ZMYND11: variants seen among roughly 807,000 people sequenced by gnomAD.
The protein encoded by ZMYND11 is zinc finger MYND domain-containing protein 11.
A neutral mutation model predicts 84.9 loss-of-function variants in ZMYND11; 9 were observed. The observed-to-expected ratio is 0.11, with a 90% confidence interval of 0.06 to 0.18. ZMYND11 has a LOEUF of 0.18. ZMYND11 is among the 10% of genes least tolerant of loss of function. ZMYND11 has a pLI of 1.00. For missense variants in ZMYND11, 409 were observed against 761.0 expected, an observed-to-expected ratio of 0.54 and a Z score of 5.44; for synonymous variants, 250 against 244.1, an observed-to-expected ratio of 1.02 and a Z score of -0.23.
At chr10:222,424 C>T (rs761458386) in intron 4 of ZMYND11, among the ~76,000 whole-genome samples, 18 of 152,080 alleles carry the variant, frequency 1.2e-4, no homozygotes, top group Non-Finnish European at 1.5e-4. Context: ...GATGACTTGC[C>T]ACTCAAATGC....
At chr10:158,817 A>G (rs1329353339) in intron 1 of ZMYND11, among the ~76,000 whole-genome samples, 12 of 152,106 alleles carry the variant, frequency 7.9e-5, no homozygotes, top group African/African-American at 2.7e-4. Context: ...AATGTTAAGC[A>G]TCTTTTTATG....
At chr10:180,486 G>A (rs529836778) in intron 2 of ZMYND11, among the ~76,000 whole-genome samples, 8 of 152,254 alleles carry the variant, frequency 5.3e-5, no homozygotes, top group Admixed American at 2.0e-4. Context: ...GGCAACCTCC[G>A]CTTCCCGGGT....
At chr10:170,224 A>G (rs979320206) in intron 1 of ZMYND11, among the ~76,000 whole-genome samples, 2 of 152,154 alleles carry the variant, frequency 1.3e-5, no homozygotes, top group Admixed American at 1.3e-4. Context: ...CTCAGACAAA[A>G]TTAAGGGAAT....
At chr10:218,208 GTGTT>G (rs1467247737) in intron 3 of ZMYND11, among the ~76,000 whole-genome samples, 2 of 152,136 alleles carry the variant, frequency 1.3e-5, no homozygotes, top group African/African-American at 2.4e-5. Flanking sequence ...TGTAGCTTTT[GTGTT>G]TGTTAGTTGA....
intron 1 of ZMYND11, among the ~76,000 whole-genome samples, chr10:149,221 C>G (rs1378909574): frequency 6.6e-6 from 1 of 151,796 alleles, no homozygotes; most frequent in Non-Finnish European, 1.5e-5. Context: ...CACACACTCC[C>G]TTTGGATCTC....
intron 2 of ZMYND11, among the ~76,000 whole-genome samples, chr10:198,277 T>TTACTCTACCTA (rs2131034908): frequency 6.6e-6 from 1 of 152,284 alleles, no homozygotes; most frequent in South Asian, 2.1e-4. Flanking sequence ...AATTACTAAA[T>TTACTCTACCTA]GTTTTACTTT....
chr10:254,544 T>G lies in ZMYND11; in HGVS notation c.*2074T>G, dbSNP rs1954031246. Reference sequence around the variant, plus strand: ...TCATTGTGGCTGTCCAGTTCTATGATGCATTCTGGCATTTTGTAAGCTGCT... The same window carrying G: ...TCATTGTGGCTGTCCAGTTCTATGAGGCATTCTGGCATTTTGTAAGCTGCT... On this transcript the variant is annotated 3_prime_UTR_variant, in exon 15 of 15. Transcript: ENST00000381604. 1 of 152,682 alleles carries G rather than the reference T, an allele frequency of 6.5e-6. No homozygotes were observed. Among genetic ancestry groups the G allele is most frequent in the Non-Finnish European group, 1.5e-5 (1 of 68,048 alleles). The allele number at this position is 152,682 out of a possible 1,614,324, so 9.5% of individuals were successfully genotyped here.
intron 2 of ZMYND11, among the ~76,000 whole-genome samples, chr10:195,723 G>C (rs1379764478): frequency 1.3e-5 from 2 of 152,194 alleles, no homozygotes; most frequent in East Asian, 1.9e-4. Flanking sequence ...GTGGTAACCA[G>C]CTGTGGGGGT....
At chr10:207,288 G>A (rs965123400) in intron 2 of ZMYND11, among the ~76,000 whole-genome samples, 9 of 152,198 alleles carry the variant, frequency 5.9e-5, no homozygotes, top group Non-Finnish European at 7.4e-5. Context: ...GAATAGTGCC[G>A]CAGTAAACAT....
At chr10:138,387 G>A (rs1398849493) in intron 1 of ZMYND11, among the ~76,000 whole-genome samples, 1 of 152,052 alleles carries the variant, frequency 6.6e-6, no homozygotes, top group Non-Finnish European at 1.5e-5. Flanking sequence ...AAAGTGCTGA[G>A]ATTACAGATG....
chr10:191,551 T>C (rs1383176037), intron 2 of ZMYND11, among the ~76,000 whole-genome samples: 2 of 152,218 alleles, frequency 1.3e-5, no homozygotes, highest in Non-Finnish European at 2.9e-5. Context: ...TCTGAAAAGT[T>C]AAAATGGCTG....
At chr10:212,248 C>T (rs892399764) in intron 3 of ZMYND11, among the ~76,000 whole-genome samples, 2 of 151,846 alleles carry the variant, frequency 1.3e-5, no homozygotes, top group Admixed American at 6.6e-5. Context: ...ATATTAGGTC[C>T]TATGTTCTAA....
intron 2 of ZMYND11, among the ~76,000 whole-genome samples, chr10:201,152 G>C (rs907940491): frequency 6.6e-6 from 1 of 151,978 alleles, no homozygotes; most frequent in African/African-American, 2.4e-5. Context: ...TGAGCCAGTA[G>C]GGGGCCATAA....
chr10:251,707 C>A (rs1953526429), intron 14 of ZMYND11, among the ~76,000 whole-genome samples: 1 of 152,198 alleles, frequency 6.6e-6, no homozygotes, highest in African/African-American at 2.4e-5. Context: ...CCAAAGAGTT[C>A]AACCATGGTA....
chr10:223,671 A>G lies in ZMYND11; in HGVS notation c.438+2315A>G, dbSNP rs922631208. Among the ~76,000 whole-genome samples, 12 of 152,252 alleles carry G rather than the reference A, an allele frequency of 7.9e-5. No individual in the cohort carries two copies. In the East Asian group the frequency reaches 1.2e-3, roughly 15 times the overall value. On this transcript the variant is annotated intron_variant, in intron 4 of 14. Transcript: ENST00000381604. Reference sequence around the variant, plus strand: ...TAGTTATTCATTTTAGATCCATTCTATTGTTTTATGGTATTCAAGAAAAAG... The same window carrying G: ...TAGTTATTCATTTTAGATCCATTCTGTTGTTTTATGGTATTCAAGAAAAAG...
chr10:249,211 A>G, intron 14 of ZMYND11, 123 bp downstream of exon 14: 1 of 1,519,690 alleles, frequency 6.6e-7, no homozygotes, highest in East Asian at 2.4e-5. Context: ...CAAATGTGAA[A>G]TGGTCAGCTT....
At chr10:152,366 G>A (rs1484474619) in intron 1 of ZMYND11, among the ~76,000 whole-genome samples, 1 of 152,266 alleles carries the variant, frequency 6.6e-6, no homozygotes, top group African/African-American at 2.4e-5. Context: ...AAGGGATGGA[G>A]GAAGATCTAC....
At chr10:235,737 C>T (rs895643859) in intron 4 of ZMYND11, among the ~76,000 whole-genome samples, 2 of 152,258 alleles carry the variant, frequency 1.3e-5, no homozygotes, top group African/African-American at 4.8e-5. Context: ...AGGGCACTGA[C>T]TGCGTTGCCA....
chr10:154,643 A>C (rs1841264261), intron 1 of ZMYND11, among the ~76,000 whole-genome samples: 1 of 152,214 alleles, frequency 6.6e-6, no homozygotes, highest in Admixed American at 6.5e-5. Context: ...AACATTTGCA[A>C]ATACATAACC....
Sources: gnomAD v4.1 joint callset for allele counts (sites outside exome capture counted in the v4.1 genomes callset) on GRCh38, gnomAD v4.1.1 for gene constraint, MANE v1.5 for transcripts, NCBI Gene and HGNC (gene_info 2026-07-23, HGNC 2026-07-21) for gene names.